Variants in NKAIN3 observed in about 807,000 individuals in gnomAD.
The protein encoded by NKAIN3 is sodium/potassium-transporting ATPase subunit beta-1-interacting protein 3.
NKAIN3 carries 25 observed loss-of-function variants against 30.2 expected under a neutral mutation model. The ratio of observed to expected loss-of-function variants is 0.83; its 90% CI spans 0.60 to 1.16. The LOEUF (loss-of-function observed/expected upper bound fraction) is 1.16, where lower values mean the gene tolerates loss of function less well. NKAIN3 is among the 50% of genes most tolerant of loss of function. The probability of loss-of-function intolerance (pLI) is 0.00; values close to 1 mark genes in which losing one functional copy is unlikely to be tolerated. For missense variants in NKAIN3, 225 were observed against 254.1 expected, an observed-to-expected ratio of 0.89 and a Z score of 0.78; for synonymous variants, 91 against 89.6, an observed-to-expected ratio of 1.02 and a Z score of -0.09.
intron 4 of NKAIN3, among the ~76,000 whole-genome samples, chr8:62,792,177 T>C (rs1212598891): frequency 1.3e-5 from 2 of 152,134 alleles, no homozygotes; most frequent in South Asian, 2.1e-4. Context: ...TCTTCCTTTC[T>C]GCATCTATGC....
At chr8:62,877,046 G>C (rs561047046) in intron 4 of NKAIN3, among the ~76,000 whole-genome samples, 1 of 152,032 alleles carries the variant, frequency 6.6e-6, no homozygotes, top group South Asian at 2.1e-4. Flanking sequence ...CCTTGAAGGG[G>C]TCAATTAGGA....
intron 1 of NKAIN3, among the ~76,000 whole-genome samples, chr8:62,565,001 A>G (rs1190273752): frequency 6.6e-6 from 1 of 152,176 alleles, no homozygotes; most frequent in Non-Finnish European, 1.5e-5. Context: ...GCATAGCTAC[A>G]CAAGCATTTC....
At chr8:62,719,286 T>C (rs1815006330) in intron 3 of NKAIN3, among the ~76,000 whole-genome samples, 1 of 152,176 alleles carries the variant, frequency 6.6e-6, no homozygotes, top group South Asian at 2.1e-4. Context: ...TTGCTGCCAC[T>C]CTCATCTCAT....
chr8:62,471,803 T>C (rs1191046831), intron 1 of NKAIN3, among the ~76,000 whole-genome samples: 2 of 151,970 alleles, frequency 1.3e-5, no homozygotes, highest in African/African-American at 4.8e-5. Flanking sequence ...AAAAGATAGC[T>C]GGGTGTGCTG....
intron 1 of NKAIN3, among the ~76,000 whole-genome samples, chr8:62,520,339 A>C (rs934350502): frequency 4.6e-5 from 7 of 152,180 alleles, no homozygotes; most frequent in Non-Finnish European, 7.4e-5. Context: ...CAGGATTTTG[A>C]TTTAGTTACA....
chr8:62,256,228 C>T (rs1812255490), intron 1 of NKAIN3, among the ~76,000 whole-genome samples: 2 of 151,416 alleles, frequency 1.3e-5, no homozygotes, highest in Non-Finnish European at 2.9e-5. Context: ...GCCTGGGCAA[C>T]AAAGTGAGAC....
At chr8:62,619,818 A>G (rs1305557758) in intron 3 of NKAIN3, among the ~76,000 whole-genome samples, 1 of 152,184 alleles carries the variant, frequency 6.6e-6, no homozygotes, top group Non-Finnish European at 1.5e-5. Context: ...AAATCATTGA[A>G]TTGCTAGTTA....
chr8:62,656,217 A>G (rs570110523), intron 3 of NKAIN3, among the ~76,000 whole-genome samples: 88 of 152,218 alleles, frequency 5.8e-4, no homozygotes, highest in Admixed American at 4.1e-3. Flanking sequence ...CTGTTTTCCC[A>G]TTTACATAAT....
At chr8:62,715,885 T>C (rs540581262) in intron 3 of NKAIN3, among the ~76,000 whole-genome samples, 27 of 152,230 alleles carry the variant, frequency 1.8e-4, no homozygotes, top group African/African-American at 6.0e-4. Flanking sequence ...CATGCAGGGA[T>C]GGGGCATAAA....
chr8:62,756,572 A>G (rs989724746), intron 4 of NKAIN3, among the ~76,000 whole-genome samples: 1 of 152,160 alleles, frequency 6.6e-6, no homozygotes. Flanking sequence ...AATCCACTGT[A>G]TATTTTATCT....
chr8:62,788,854 G>A (rs1348740107), intron 4 of NKAIN3, among the ~76,000 whole-genome samples: 4 of 152,162 alleles, frequency 2.6e-5, no homozygotes, highest in East Asian at 3.9e-4. Context: ...TAGATATGCG[G>A]CATTATTTCT....
chr8:62,866,823 G>C (rs1449669266), intron 4 of NKAIN3, among the ~76,000 whole-genome samples: 1 of 150,640 alleles, frequency 6.6e-6, no homozygotes, highest in South Asian at 2.1e-4. Flanking sequence ...GAGGCGGGTG[G>C]ATCACGAGGT....
intron 4 of NKAIN3, chr8:62,855,813 T>A: frequency 1.1e-6 from 1 of 939,428 alleles, no homozygotes; most frequent in Non-Finnish European, 1.7e-6. Flanking sequence ...AAAGACAAGC[T>A]GGAATCCTGG....
At chr8:62,416,201 G>A (rs374885803) in intron 1 of NKAIN3, among the ~76,000 whole-genome samples, 201 of 152,230 alleles carry the variant, frequency 1.3e-3, no homozygotes, top group African/African-American at 4.7e-3. Flanking sequence ...CCTTCCAGCC[G>A]TCTACCATCT....
chr8:62,918,391 G>A, intron 4 of NKAIN3, 62 bp from the exon 5 acceptor site: 2 of 1,150,504 alleles, frequency 1.7e-6, no homozygotes, highest in Non-Finnish European at 2.6e-6. Context: ...AGATTATATT[G>A]GCTCTTTAAG....
intron 1 of NKAIN3, among the ~76,000 whole-genome samples, chr8:62,541,594 T>C (rs1365780418): frequency 2.0e-5 from 3 of 152,166 alleles, no homozygotes; most frequent in Admixed American, 1.3e-4. Flanking sequence ...TGTTTTCTGT[T>C]CTTTCCTTAA....
At chr8:62,819,815 A>T (rs1162321109) in intron 4 of NKAIN3, among the ~76,000 whole-genome samples, 1 of 152,098 alleles carries the variant, frequency 6.6e-6, no homozygotes, top group East Asian at 1.9e-4. Context: ...AGATTTTAAA[A>T]CCTTCTACCC....
chr8:62,705,384 A>G (rs77618888), intron 3 of NKAIN3, among the ~76,000 whole-genome samples: 5,392 of 152,236 alleles, frequency 0.035, 337 homozygotes, highest in African/African-American at 0.12. Flanking sequence ...GGATTATGAG[A>G]GCCCTTTAGA....
chr8:62,583,072 A>C, intron 2 of NKAIN3, among the ~76,000 whole-genome samples: 1 of 152,072 alleles, frequency 6.6e-6, no homozygotes, highest in Non-Finnish European at 1.5e-5. Flanking sequence ...TCACCTCTAG[A>C]GTGTCTTGAG....
Sources: gnomAD v4.1 joint callset for allele counts (sites outside exome capture counted in the v4.1 genomes callset) on GRCh38, gnomAD v4.1.1 for gene constraint, MANE v1.5 for transcripts, NCBI Gene and HGNC (gene_info 2026-07-23, HGNC 2026-07-21) for gene names.